PRKN: variants seen among roughly 807,000 people sequenced by gnomAD.
PRKN encodes parkin RBR E3 ubiquitin protein ligase, also known as E3 ubiquitin-protein ligase parkin.
Under a neutral mutation model 59.5 loss-of-function variants are expected in PRKN, and 56 were observed. The observed-to-expected ratio is 0.94, with a 90% CI of 0.76 to 1.18. The LOEUF (loss-of-function observed/expected upper bound fraction) is 1.18, where lower values mean the gene tolerates loss of function less well. Ranked by LOEUF, PRKN falls within the 50% of genes most tolerant of loss-of-function variation. The pLI is 0.00. For synonymous variants in PRKN, 250 were observed against 222.1 expected (o/e 1.13, Z -1.12); for missense variants, 657 against 596.4 (o/e 1.10, Z -1.06).
intron 1 of PRKN, among the ~76,000 whole-genome samples, chr6:162,561,925 G>T (rs1779861040): frequency 6.6e-6 from 1 of 152,144 alleles, no homozygotes; most frequent in African/African-American, 2.4e-5. Context: ...GTGAACTGGG[G>T]GTGGGAGGGC....
intron 9 of PRKN, among the ~76,000 whole-genome samples, chr6:161,398,942 G>A (rs1786903426): frequency 6.6e-6 from 1 of 152,142 alleles, no homozygotes; most frequent in African/African-American, 2.4e-5. Flanking sequence ...GGCCCTAAAT[G>A]GGAACAGGCA....
At chr6:161,599,447 G>T (rs768797300) in intron 7 of PRKN, among the ~76,000 whole-genome samples, 2 of 152,168 alleles carry the variant, frequency 1.3e-5, no homozygotes, top group Non-Finnish European at 2.9e-5. Context: ...CTAACCAAAA[G>T]ATGTATTTTG....
At chr6:161,537,409 T>C (rs1779450122) in intron 9 of PRKN, among the ~76,000 whole-genome samples, 1 of 152,184 alleles carries the variant, frequency 6.6e-6, no homozygotes, top group Admixed American at 6.5e-5. Flanking sequence ...TGCAGGCTTG[T>C]ACAAATAAAG....
chr6:161,924,907 GGAGA>G (rs1057292892), intron 6 of PRKN, among the ~76,000 whole-genome samples: 1 of 152,182 alleles, frequency 6.6e-6, no homozygotes, highest in African/African-American at 2.4e-5. Flanking sequence ...GTAAACTAGG[GGAGA>G]GAGTCCCTCC....
At chr6:161,798,517 C>T (rs550936432) in intron 6 of PRKN, among the ~76,000 whole-genome samples, 14 of 152,230 alleles carry the variant, frequency 9.2e-5, no homozygotes, top group African/African-American at 2.9e-4. Context: ...TCTTTTTTAT[C>T]GAAAGCTTGT....
intron 5 of PRKN, among the ~76,000 whole-genome samples, chr6:161,994,793 T>C (rs979508831): frequency 6.6e-6 from 1 of 151,658 alleles, no homozygotes; most frequent in African/African-American, 2.4e-5. Context: ...TACAAAACAC[T>C]GATGAAAGAA....
At chr6:161,696,684 G>A (rs1786036594) in intron 7 of PRKN, among the ~76,000 whole-genome samples, 2 of 152,148 alleles carry the variant, frequency 1.3e-5, no homozygotes, top group South Asian at 2.1e-4. Flanking sequence ...TGCATTTCAA[G>A]TATCTAATTC....
chr6:162,115,485 T>TA (rs1780629903), intron 4 of PRKN, among the ~76,000 whole-genome samples: 1 of 150,746 alleles, frequency 6.6e-6, no homozygotes, highest in African/African-American at 2.4e-5. Flanking sequence ...CCCTAAAACT[T>TA]AAAGTATAAT....
chr6:161,919,153 A>G (rs2128238643), intron 6 of PRKN, among the ~76,000 whole-genome samples: 1 of 152,328 alleles, frequency 6.6e-6, no homozygotes, highest in Middle Eastern at 3.4e-3. Flanking sequence ...AACAAAAGGT[A>G]TCGTATCCTT....
intron 2 of PRKN, among the ~76,000 whole-genome samples, chr6:162,325,703 G>A (rs1783236634): frequency 1.3e-5 from 2 of 152,044 alleles, no homozygotes; most frequent in South Asian, 2.1e-4. Context: ...TATTTTTAAC[G>A]TACATATGTC....
Position 161,883,702 on chromosome 6 carries a change from C to T in PRKN, c.734+89600G>A, listed in dbSNP as rs988592637. 9.9e-5 allele frequency among the ~76,000 whole-genome samples: 15 copies of T among 151,998 alleles called. No homozygotes were observed. The East Asian group carries it at 2.9e-3, about 29-fold the overall frequency. ...TCTCACTCTGTCGCCCAGGCCAGAG[C>T]GCAGTGGTGAGAACTCAGCTCGCTG... On this transcript the variant is annotated intron_variant, in intron 6 of 11. Coordinates refer to ENST00000366898, the MANE Select transcript of PRKN (RefSeq NM_004562.3).
At chr6:161,710,927 C>CCTT (rs1562624863) in intron 7 of PRKN, among the ~76,000 whole-genome samples, 6 of 139,606 alleles carry the variant, frequency 4.3e-5, no homozygotes, top group Non-Finnish European at 4.6e-5. Context: ...CCTTCCTCAC[C>CCTT]CCTTCCTTCC....
At chr6:162,181,092 A>T (rs1783783668) in intron 4 of PRKN, among the ~76,000 whole-genome samples, 1 of 152,198 alleles carries the variant, frequency 6.6e-6, no homozygotes, top group African/African-American at 2.4e-5. Context: ...AGCCCATAAC[A>T]ATACAAGCAA....
chr6:162,409,001 C>G (rs1788212242), intron 2 of PRKN, among the ~76,000 whole-genome samples: 2 of 151,622 alleles, frequency 1.3e-5, no homozygotes, highest in Admixed American at 1.3e-4. Flanking sequence ...CCCACTCCCC[C>G]TGTCTCTCTG....
chr6:161,979,298 G>A (rs900584610), intron 5 of PRKN, among the ~76,000 whole-genome samples: 3 of 151,716 alleles, frequency 2.0e-5, no homozygotes, highest in Non-Finnish European at 4.4e-5. Context: ...TTTGAGACAC[G>A]GTCTCCCCCT....
intron 6 of PRKN, among the ~76,000 whole-genome samples, chr6:161,864,216 C>G (rs934074315): frequency 6.6e-6 from 1 of 152,194 alleles, no homozygotes; most frequent in East Asian, 1.9e-4. Context: ...AAATTGGAGT[C>G]AATCCTCTCA....
At chr6:161,437,851 T>G (rs192161852) in intron 9 of PRKN, among the ~76,000 whole-genome samples, 44 of 152,304 alleles carry the variant, frequency 2.9e-4, no homozygotes, top group African/African-American at 8.4e-4. Context: ...AAGTGACCAT[T>G]ATGCAACTAT....
In PRKN at chr6:161,562,253, C is replaced by G. The variant is rs59124460; in HGVS notation, c.933+7102G>C. On this transcript the variant is annotated intron_variant, in intron 8 of 11. Coordinates refer to ENST00000366898, the MANE Select transcript of PRKN (RefSeq NM_004562.3). This position sits in a 1 kb window ranked among gnomAD's most constrained non-coding sequence, Gnocchi z 4.3. ...AAATCGCCATTCTCCTCTGGAGGACCCGCCTTCTTGGCTTCCTCAACACCA... is the reference window on the plus strand; with the variant it reads ...AAATCGCCATTCTCCTCTGGAGGACGCGCCTTCTTGGCTTCCTCAACACCA... 0.062 allele frequency among the ~76,000 whole-genome samples: 9,446 copies of G among 152,170 alleles called. 362 individuals are homozygous for G. The highest frequency in any genetic ancestry group is 0.094 in the African/African-American group (3,910 of 41,500).
rs562384451 is a variant in PRKN at position 161,385,870 on chromosome 6, T to C, written c.1167+924A>G. Among the ~76,000 whole-genome samples, 5 of 152,370 alleles carry C rather than the reference T, an allele frequency of 3.3e-5. No individual in the cohort carries two copies. The highest frequency in any genetic ancestry group is 1.9e-4 in the East Asian group (1 of 5,190). On this transcript the variant is annotated intron_variant, in intron 10 of 11. Coordinates refer to ENST00000366898, the MANE Select transcript of PRKN (RefSeq NM_004562.3). This position sits in a 1 kb window ranked among gnomAD's most constrained non-coding sequence, Gnocchi z 4.9. Reference sequence around the variant, plus strand: ...AGTCCTAAATCCACTCATATGCTCATGGCTGGCAATTTAGGAGCAGACGAG... The same window carrying C: ...AGTCCTAAATCCACTCATATGCTCACGGCTGGCAATTTAGGAGCAGACGAG...
Sources: gnomAD v4.1 joint callset for allele counts (sites outside exome capture counted in the v4.1 genomes callset) on GRCh38, gnomAD v4.1.1 for gene constraint, Gnocchi (gnomAD v3.1) non-coding constraint, MANE v1.5 for transcripts, NCBI Gene and HGNC (gene_info 2026-07-23, HGNC 2026-07-21) for gene names.